Variants in TTPAL observed in about 807,000 individuals in gnomAD.
TTPAL encodes alpha tocopherol transfer protein like.
In TTPAL, 21 loss-of-function variants were observed where a neutral mutation model predicts 28.7. The ratio of observed to expected loss-of-function variants is 0.73; its 90% confidence interval spans 0.52 to 1.06. The LOEUF (loss-of-function observed/expected upper bound fraction) is 1.06, where lower values mean the gene tolerates loss of function less well. TTPAL is among the 50% of genes least tolerant of loss of function. TTPAL has a pLI of 0.00. For missense variants in TTPAL, 345 were observed against 425.5 expected (o/e 0.81, Z 1.67); for synonymous variants, 169 against 171.9 (o/e 0.98, Z 0.13).
In TTPAL at chr20:44,480,101, ACT is replaced by A. The variant is rs2064088184; in HGVS notation, c.103_104del (p.Leu35AspfsTer28). On this transcript the variant is annotated frameshift_variant, in exon 2 of 5. Transcript: ENST00000262605. LOFTEE classifies it high-confidence loss of function. This position sits in a 1 kb window ranked among gnomAD's most constrained non-coding sequence, Gnocchi z 4.1. The stretch of plus-strand genomic sequence containing the variant: ...CTGAGCCTCCGGGCTATGTGTGCTC[ACT>A]GACAGAAGACCTGGTCACCAAAGCC... ...PPEPPGYVCS[L>X]TEDLVTKARE... is the part of the protein sequence containing the mutation. The A allele has an allele frequency of 6.2e-7, 1 of 1,614,066 alleles. No homozygotes were observed. The highest frequency in any genetic ancestry group is 8.5e-7 in the Non-Finnish European group (1 of 1,180,042).
rs1345627412 is a variant in TTPAL at position 44,494,176 on chromosome 20, G to A, written c.*4635G>A. 1 of 152,434 alleles carries A rather than the reference G, an allele frequency of 6.6e-6. No homozygotes were observed. Among genetic ancestry groups the A allele is most frequent in the African/African-American group, 2.4e-5 (1 of 41,470 alleles). The allele number at this position is 152,434 out of a possible 1,614,324, so 9.4% of individuals were successfully genotyped here. On this transcript the variant is annotated 3_prime_UTR_variant, in exon 5 of 5. Coordinates refer to ENST00000262605, the MANE Select transcript of TTPAL (RefSeq NM_001039199.3). ...ATTTGTGGATGGAGATGATAGTGAT[G>A]AAATTCCTGTTTCATGGGGCTGTTT...
intron 1 of TTPAL, among the ~76,000 whole-genome samples, chr20:44,479,699 T>C (rs2064083439): frequency 1.3e-5 from 2 of 152,192 alleles, no homozygotes; most frequent in South Asian, 2.1e-4. Flanking sequence ...TATTTAATGA[T>C]GAATAAGGTC....
chr20:44,484,448 T>C lies in TTPAL; in HGVS notation c.557T>C (p.Leu186Pro), dbSNP rs1259480131. ...ACCCAGGTGAATGGAATTGTAATTCTTGCAGACTACAAAGGAGTGAGTTTA... is the reference window on the plus strand; with the variant it reads ...ACCCAGGTGAATGGAATTGTAATTCCTGCAGACTACAAAGGAGTGAGTTTA... ...EETQVNGIVILADYKGVSLSK... is the reference protein window; with the variant it reads ...EETQVNGIVIPADYKGVSLSK... The change falls in exon 3 of 5, where the codon CTT (leucine) becomes CCT (proline). Residue 186 changes from leucine to proline, a missense_variant. Coordinates refer to ENST00000262605, the MANE Select transcript of TTPAL (RefSeq NM_001039199.3). 6.2e-7 allele frequency: 1 copy of C among 1,608,368 alleles called. No homozygotes were observed. Among genetic ancestry groups the C allele is most frequent in the East Asian group, 2.2e-5 (1 of 44,756 alleles).
At chr20:44,476,395 C>T (rs974728061) in intron 1 of TTPAL, among the ~76,000 whole-genome samples, 1 of 152,176 alleles carries the variant, frequency 6.6e-6, no homozygotes, top group Non-Finnish European at 1.5e-5. Flanking sequence ...CCTGGAGAGT[C>T]AACATGAAGC....
chr20:44,487,214 G>A (rs1185857231), intron 4 of TTPAL, among the ~76,000 whole-genome samples: 7 of 152,070 alleles, frequency 4.6e-5, no homozygotes, highest in Admixed American at 2.6e-4. Context: ...TCCGGGAGGC[G>A]GAGGTTGCAG....
chr20:44,480,916 T>C lies in TTPAL; in HGVS notation c.445+472T>C, dbSNP rs915949593. Among the ~76,000 whole-genome samples the C allele has an allele frequency of 1.3e-5, 2 of 152,190 alleles. No homozygotes were observed. The highest frequency in any genetic ancestry group is 2.4e-5 in the African/African-American group (1 of 41,446). On this transcript the variant is annotated intron_variant, in intron 2 of 4. Coordinates refer to ENST00000262605, the MANE Select transcript of TTPAL (RefSeq NM_001039199.3). This position sits in a 1 kb window ranked among gnomAD's most constrained non-coding sequence, Gnocchi z 4.1. ...TAAGTTCCTCAATGCAGATTCCCAA[T>C]TTCTAGTGGGGAGCATCTGGTGGGG...
intron 2 of TTPAL, among the ~76,000 whole-genome samples, chr20:44,482,572 C>CAAAAAAAAAAAAAA (rs535832796): frequency 8.2e-5 from 5 of 60,810 alleles, no homozygotes; most frequent in African/African-American, 3.0e-4. Context: ...GACTCTGTCT[C>CAAAAAAAAAAAAAA]AAAAAAAAAA....
At chr20:44,487,238 T>C (rs2122906128) in intron 4 of TTPAL, among the ~76,000 whole-genome samples, 1 of 149,828 alleles carries the variant, frequency 6.7e-6, no homozygotes, top group East Asian at 2.0e-4. Context: ...GCCAAGATCA[T>C]GCCGCTGCAC....
At chr20:44,487,654 G>T (rs529278770) in intron 4 of TTPAL, among the ~76,000 whole-genome samples, 1 of 152,226 alleles carries the variant, frequency 6.6e-6, no homozygotes, top group African/African-American at 2.4e-5. Flanking sequence ...TGACCCAGAA[G>T]AGCCAATTCC....
At position 44,480,474 on chromosome 20, in the gene TTPAL, G is replaced by A. The variant is rs1430104681; in HGVS notation, c.445+30G>A. 1.3e-6 allele frequency: 2 copies of A among 1,552,378 alleles called. No homozygotes were observed. The highest frequency in any genetic ancestry group is 1.4e-5 in the African/African-American group (1 of 73,602). On this transcript the variant is annotated intron_variant, in intron 2 of 4. Coordinates refer to ENST00000262605, the MANE Select transcript of TTPAL (RefSeq NM_001039199.3). The surrounding 1 kb of genome is among the most constrained non-coding windows in gnomAD (Gnocchi z 4.1). Reference sequence around the variant, plus strand: ...CTCCCTAGACTGTTGTGGGGTGTGTGTGTCCAGTCCTTCTGCAGTGTGTCC... The same window carrying A: ...CTCCCTAGACTGTTGTGGGGTGTGTATGTCCAGTCCTTCTGCAGTGTGTCC...
At chr20:44,479,538 A>G (rs2069017149) in intron 1 of TTPAL, among the ~76,000 whole-genome samples, 1 of 149,966 alleles carries the variant, frequency 6.7e-6, no homozygotes, top group African/African-American at 2.5e-5. Context: ...AGCTGAGATT[A>G]CAGGCACTCA....
In TTPAL at chr20:44,480,904, G is replaced by A. The variant is rs1037941647; in HGVS notation, c.445+460G>A. On this transcript the variant is annotated intron_variant, in intron 2 of 4. Transcript: ENST00000262605. This position sits in a 1 kb window ranked among gnomAD's most constrained non-coding sequence, Gnocchi z 4.1. ...TGACCACCAAATTAAGTTCCTCAAT[G>A]CAGATTCCCAATTTCTAGTGGGGAG... 2.0e-5 allele frequency among the ~76,000 whole-genome samples: 3 copies of A among 152,198 alleles called. No homozygotes were observed. The highest frequency in any genetic ancestry group is 7.2e-5 in the African/African-American group (3 of 41,452).
intron 1 of TTPAL, among the ~76,000 whole-genome samples, chr20:44,477,933 G>A (rs1314808985): frequency 6.6e-6 from 1 of 152,270 alleles, no homozygotes; most frequent in East Asian, 1.9e-4. Context: ...GGGATTACAG[G>A]CATAAGCCAC....
chr20:44,488,765 C>T (rs1293191753), intron 4 of TTPAL, among the ~76,000 whole-genome samples: 1 of 152,014 alleles, frequency 6.6e-6, no homozygotes, highest in Non-Finnish European at 1.5e-5. Context: ...GCTAGGCTGG[C>T]GCAGCTGGGT....
chr20:44,488,457 T>G (rs551049706), intron 4 of TTPAL, among the ~76,000 whole-genome samples: 1 of 152,244 alleles, frequency 6.6e-6, no homozygotes, highest in South Asian at 2.1e-4. Flanking sequence ...ATGTTCTAGA[T>G]GAACAAAACA....
At position 44,491,701 on chromosome 20, in the gene TTPAL, A is replaced by C. The variant is rs1215545236; in HGVS notation, c.*2160A>C. On this transcript the variant is annotated 3_prime_UTR_variant, in exon 5 of 5. Coordinates refer to ENST00000262605, the MANE Select transcript of TTPAL (RefSeq NM_001039199.3). ...TGATGATGTGACACACACTGCTGAA[A>C]AGGCCCAAGCAGGGCAAGTGGGATG... 3 of 152,364 alleles carry C rather than the reference A, an allele frequency of 2.0e-5. No homozygotes were observed. Among genetic ancestry groups the C allele is most frequent in the Non-Finnish European group, 2.9e-5 (2 of 68,094 alleles). 9.4% of individuals were successfully genotyped at this position (152,364 alleles called of 1,614,324 possible). A position where few individuals can be genotyped will look rare whatever the true frequency, so the allele number is the denominator to read the frequency against.
intron 4 of TTPAL, among the ~76,000 whole-genome samples, chr20:44,488,932 G>T (rs2064177572): frequency 6.6e-6 from 1 of 152,198 alleles, no homozygotes; most frequent in Admixed American, 6.5e-5. Flanking sequence ...ATTGCAGAGG[G>T]ACAAGAGTGG....
chr20:44,494,329 C>T lies in TTPAL; in HGVS notation c.*4788C>T, dbSNP rs1053768158. On this transcript the variant is annotated 3_prime_UTR_variant, in exon 5 of 5. Transcript: ENST00000262605. Reference sequence around the variant, plus strand: ...CCTGTTACAAGTGAAATACTTGAAACCTCTCTGACCAAGAGCCTCTGATGG... The same window carrying T: ...CCTGTTACAAGTGAAATACTTGAAATCTCTCTGACCAAGAGCCTCTGATGG... 1 of 152,722 alleles carries T rather than the reference C, an allele frequency of 6.5e-6. No individual in the cohort carries two copies. Among genetic ancestry groups the T allele is most frequent in the Admixed American group, 6.5e-5 (1 of 15,272 alleles). The allele number at this position is 152,722 out of a possible 1,614,324, so 9.5% of individuals were successfully genotyped here.
In TTPAL at chr20:44,494,125, C is replaced by G. The variant is rs754486150; in HGVS notation, c.*4584C>G. 6.6e-6 allele frequency: 1 copy of G among 152,314 alleles called. No homozygotes were observed. Among genetic ancestry groups the G allele is most frequent in the Non-Finnish European group, 1.5e-5 (1 of 68,024 alleles). 9.4% of individuals were successfully genotyped at this position (152,314 alleles called of 1,614,324 possible). ...TAACAAACATCACAGTCAACAGGAG[C>G]TTGCTTCATGCGAAGGATCAATGTG... is the stretch of plus-strand genomic sequence containing the variant. On this transcript the variant is annotated 3_prime_UTR_variant, in exon 5 of 5. Transcript: ENST00000262605.
Sources: gnomAD v4.1 joint callset for allele counts (sites outside exome capture counted in the v4.1 genomes callset) on GRCh38, gnomAD v4.1.1 for gene constraint, Gnocchi (gnomAD v3.1) non-coding constraint, MANE v1.5 for transcripts, NCBI Gene and HGNC (gene_info 2026-07-23, HGNC 2026-07-21) for gene names.